The following CNTNAP5 variants were observed in gnomAD, a reference collection of about 807,000 sequenced individuals.
CNTNAP5 encodes contactin associated protein family member 5.
CNTNAP5 carries 72 observed loss-of-function variants against 150.2 expected under a neutral mutation model. The ratio of observed to expected loss-of-function variants is 0.48; its 90% CI spans 0.40 to 0.58. The LOEUF (loss-of-function observed/expected upper bound fraction) is 0.58, where lower values mean the gene tolerates loss of function less well. CNTNAP5 is among the 20% of genes least tolerant of loss of function. The pLI is 0.00. For missense variants in CNTNAP5, 1,636 were observed against 1,626.2 expected (o/e 1.01, Z -0.10); for synonymous variants, 672 against 619.8 (o/e 1.08, Z -1.25).
intron 3 of CNTNAP5, among the ~76,000 whole-genome samples, chr2:124,264,393 C>CAT (rs1687548862): frequency 1.3e-5 from 1 of 77,998 alleles, no homozygotes; most frequent in African/African-American, 3.9e-5. Flanking sequence ...CACACATACA[C>CAT]ACACACACAC....
At chr2:124,329,916 C>T (rs1395419577) in intron 3 of CNTNAP5, among the ~76,000 whole-genome samples, 1 of 152,048 alleles carries the variant, frequency 6.6e-6, no homozygotes, top group African/African-American at 2.4e-5. Context: ...TGAGAAGATT[C>T]CTAGATTTGG....
At chr2:124,091,584 T>G (rs1051455948) in intron 1 of CNTNAP5, among the ~76,000 whole-genome samples, 3 of 152,196 alleles carry the variant, frequency 2.0e-5, no homozygotes, top group Non-Finnish European at 4.4e-5. Flanking sequence ...CCACAGTAGC[T>G]TTCCAATAAC....
At chr2:124,402,598 G>A (rs563093219) in intron 3 of CNTNAP5, among the ~76,000 whole-genome samples, 2 of 152,160 alleles carry the variant, frequency 1.3e-5, no homozygotes, top group Non-Finnish European at 2.9e-5. Flanking sequence ...AAGCAAGCAG[G>A]GTGGCAAGTG....
intron 21 of CNTNAP5, among the ~76,000 whole-genome samples, chr2:124,871,238 T>C (rs989285641): frequency 4.7e-5 from 7 of 148,006 alleles, no homozygotes; most frequent in African/African-American, 1.9e-4. Flanking sequence ...TTATTTTCTG[T>C]TTAAGGTTCC....
intron 11 of CNTNAP5, among the ~76,000 whole-genome samples, chr2:124,568,378 T>C (rs746567931): frequency 2.0e-5 from 3 of 152,160 alleles, no homozygotes; most frequent in South Asian, 2.1e-4. Flanking sequence ...ATAGTAGACA[T>C]ACATGTGCTG....
chr2:124,366,082 C>T (rs946287054), intron 3 of CNTNAP5, among the ~76,000 whole-genome samples: 1 of 152,126 alleles, frequency 6.6e-6, no homozygotes, highest in Non-Finnish European at 1.5e-5. Flanking sequence ...ACAGTGGGGA[C>T]TAGCACAGGT....
chr2:124,912,689 A>G (rs1678680322), intron 23 of CNTNAP5, among the ~76,000 whole-genome samples: 1 of 152,070 alleles, frequency 6.6e-6, no homozygotes, highest in African/African-American at 2.4e-5. Context: ...CCATTTGACA[A>G]GTGGAAAAAG....
Position 124,647,874 on chromosome 2 carries a change from C to T in CNTNAP5, c.1993C>T (p.Leu665=). The T allele has an allele frequency of 6.2e-7, 1 of 1,613,112 alleles. No homozygotes were observed. Among genetic ancestry groups the T allele is most frequent in the Non-Finnish European group, 8.5e-7 (1 of 1,179,578 alleles). ...ALDYGGSMEQ[L]EAVIDGSEHC... ...GGACTACGGGGGCAGCATGGAACAG[C>T]TGGAGGCCGTGATCGACGGCTCTGA... is the stretch of plus-strand genomic sequence containing the variant. Residue 665 remains leucine (L), a synonymous_variant, in exon 13 of 24, where the codon CTG becomes TTG. Transcript: ENST00000682447.
intron 3 of CNTNAP5, among the ~76,000 whole-genome samples, chr2:124,351,063 CAGAT>C (rs1224488806): frequency 3.9e-5 from 6 of 152,190 alleles, no homozygotes; most frequent in African/African-American, 1.4e-4. Context: ...CTGTACACGA[CAGAT>C]AGTGTCTTTG....
intron 11 of CNTNAP5, among the ~76,000 whole-genome samples, chr2:124,592,167 G>T (rs1261983830): frequency 6.6e-6 from 1 of 152,008 alleles, no homozygotes; most frequent in Non-Finnish European, 1.5e-5. Context: ...AGCACAAATG[G>T]TGTTTTTAAA....
At chr2:124,783,309 C>A (rs1447776014) in intron 17 of CNTNAP5, among the ~76,000 whole-genome samples, 2 of 152,170 alleles carry the variant, frequency 1.3e-5, no homozygotes, top group Admixed American at 1.3e-4. Flanking sequence ...ATTTTCTCAT[C>A]ATCATAAGTT....
chr2:124,469,286 C>T (rs1987225), intron 6 of CNTNAP5, among the ~76,000 whole-genome samples: 18,824 of 152,128 alleles, frequency 0.12, 1,939 homozygotes, highest in African/African-American at 0.26. Context: ...TTCAATAGCA[C>T]TGTGTTTTGC....
At position 124,798,044 on chromosome 2, in the gene CNTNAP5, A is replaced by T. The variant is rs1170053281; in HGVS notation, c.2993-52A>T. 2.9e-6 allele frequency: 4 copies of T among 1,403,154 alleles called. No individual in the cohort carries two copies. In the Admixed American group the frequency reaches 5.9e-5, roughly 21 times the overall value. 86.9% of individuals were successfully genotyped at this position (1,403,154 alleles called of 1,614,324 possible). A position where few individuals can be genotyped will look rare whatever the true frequency, so the allele number is the denominator to read the frequency against. On this transcript the variant is annotated intron_variant, in intron 18 of 23. Transcript: ENST00000682447. The stretch of plus-strand genomic sequence containing the variant: ...CGAGAAAGCAGCTAAGGTTAGCTTG[A>T]ACAATGGATCTAAAGGTTTCAATGT...
At chr2:124,595,204 C>T (rs1192354756) in intron 11 of CNTNAP5, among the ~76,000 whole-genome samples, 1 of 139,040 alleles carries the variant, frequency 7.2e-6, no homozygotes, top group African/African-American at 2.6e-5. Flanking sequence ...GAGGGCATCC[C>T]TGTCTTGTGC....
intron 3 of CNTNAP5, among the ~76,000 whole-genome samples, chr2:124,275,083 T>C (rs1216566299): frequency 1.3e-5 from 2 of 152,068 alleles, no homozygotes; most frequent in East Asian, 3.9e-4. Context: ...GGGAAACTCC[T>C]CTTTATAAAA....
chr2:124,606,355 T>C (rs1226766214), intron 11 of CNTNAP5, among the ~76,000 whole-genome samples: 4 of 146,096 alleles, frequency 2.7e-5, no homozygotes, highest in Admixed American at 2.7e-4. Context: ...AATAAATAGA[T>C]AACTTGTAAA....
chr2:124,347,093 AT>A (rs1336184911), intron 3 of CNTNAP5, among the ~76,000 whole-genome samples: 1 of 152,078 alleles, frequency 6.6e-6, no homozygotes, highest in South Asian at 2.1e-4. Context: ...ATCTCAAAAA[AT>A]AAATAATTAA....
chr2:124,224,510 G>GTA (rs568417664), intron 2 of CNTNAP5, among the ~76,000 whole-genome samples: 1,995 of 151,290 alleles, frequency 0.013, 38 homozygotes, highest in African/African-American at 0.038. Context: ...AGAGTAAAAT[G>GTA]TATATATATA....
chr2:124,316,155 T>G (rs1688954116), intron 3 of CNTNAP5, among the ~76,000 whole-genome samples: 1 of 152,158 alleles, frequency 6.6e-6, no homozygotes, highest in African/African-American at 2.4e-5. Flanking sequence ...GAGTTGGGGA[T>G]TCTGCTGTAC....
Sources: gnomAD v4.1 joint callset for allele counts (sites outside exome capture counted in the v4.1 genomes callset) on GRCh38, gnomAD v4.1.1 for gene constraint, MANE v1.5 for transcripts, NCBI Gene and HGNC (gene_info 2026-07-23, HGNC 2026-07-21) for gene names.